GHITM: variants seen among roughly 807,000 people sequenced by gnomAD.
GHITM encodes the protein growth hormone-inducible transmembrane protein.
A neutral mutation model predicts 38.7 loss-of-function variants in GHITM; 24 were observed. The ratio of observed to expected loss-of-function variants is 0.62; its 90% confidence interval spans 0.45 to 0.87. The LOEUF is 0.87. Among genes scored for constraint, GHITM ranks in the 40% least tolerant of loss-of-function variants. The pLI, the probability that GHITM is intolerant of heterozygous loss-of-function variation, is 0.00. For missense variants in GHITM, 420 were observed against 429.8 expected (o/e 0.98, Z 0.20); for synonymous variants, 154 against 147.8 (o/e 1.04, Z -0.30).
chr10:84,150,159 G>A lies in GHITM; in HGVS notation c.697G>A (p.Ala233Thr). The A allele has an allele frequency of 1.2e-6, 2 of 1,614,034 alleles. No individual in the cohort carries two copies. The highest frequency in any genetic ancestry group is 1.7e-6 in the Non-Finnish European group (2 of 1,179,988). ...CATTGTGGGAGGCCTCTCCACTGTG[G>A]CCATGTGTGCGCCCAGTGAAAAGTT... is the stretch of plus-strand genomic sequence containing the variant. Reference protein sequence around the residue: ...AGIVGGLSTVAMCAPSEKFLN... With the variant: ...AGIVGGLSTVTMCAPSEKFLN... Residue 233 changes from alanine to threonine, a missense_variant, in exon 7 of 9, where the codon GCC becomes ACC. Coordinates refer to ENST00000372134, the MANE Select transcript of GHITM (RefSeq NM_014394.3).
chr10:84,142,906 C>G (rs974501640), intron 3 of GHITM, 152 bp downstream of exon 3: 2 of 498,758 alleles, frequency 4.0e-6, no homozygotes, highest in Non-Finnish European at 7.2e-6. Context: ...AAGATTGGTA[C>G]TTTGCACTGG....
chr10:84,151,868 G>A (rs1264490168), intron 8 of GHITM, among the ~76,000 whole-genome samples: 1 of 152,102 alleles, frequency 6.6e-6, no homozygotes, highest in Non-Finnish European at 1.5e-5. Flanking sequence ...CAGATTTGTA[G>A]AAGTTTTCTT....
intron 5 of GHITM, among the ~76,000 whole-genome samples, chr10:84,145,255 T>A (rs1027793004): frequency 1.3e-5 from 2 of 152,182 alleles, no homozygotes; most frequent in Admixed American, 6.5e-5. Context: ...ACATGTTGGG[T>A]TTTTGAATTA....
At chr10:84,148,633 T>C in intron 5 of GHITM, 97 bp from the exon 6 acceptor site, 1 of 736,234 alleles carries the variant, frequency 1.4e-6, no homozygotes, top group Admixed American at 2.2e-5. Flanking sequence ...TTTTTACAAC[T>C]AGTTTATTAG....
At chr10:84,147,450 G>A (rs942557771) in intron 5 of GHITM, among the ~76,000 whole-genome samples, 2 of 152,018 alleles carry the variant, frequency 1.3e-5, no homozygotes, top group African/African-American at 2.4e-5. Flanking sequence ...CCAGCTATTT[G>A]GTTTACCTGT....
At chr10:84,145,083 G>A in intron 5 of GHITM, 67 bp downstream of exon 5, 1 of 1,264,104 alleles carries the variant, frequency 7.9e-7, no homozygotes, top group South Asian at 1.5e-5. Context: ...ATATATTGGA[G>A]GGAAGGGTTA....
rs1014357608 is a variant in GHITM, at chr10:84,141,529, G to A, written c.29G>A (p.Arg10Gln). The A allele has an allele frequency of 9.3e-6, 15 of 1,613,350 alleles. No homozygotes were observed. Among genetic ancestry groups the A allele is most frequent in the South Asian group, 4.4e-5 (4 of 91,066 alleles). The change falls in exon 2 of 9, where the codon CGG (arginine) becomes CAG (glutamine). Residue 10 changes from arginine to glutamine, a missense_variant. Transcript: ENST00000372134. ...TTGGCTGCAAGGCTGGTGTGTCTCC[G>A]GACACTACCTTCTAGGGTTTTCCAC... MLAARLVCL[R>Q]TLPSRVFHPA...
chr10:84,140,931 AT>A lies in GHITM; in HGVS notation c.-39-528del, dbSNP rs147091797. Among the ~76,000 whole-genome samples the A allele has an allele frequency of 8.3e-3, 1,258 of 152,284 alleles. 17 individuals are homozygous for A. The highest frequency in any genetic ancestry group is 0.029 in the African/African-American group (1,200 of 41,538). On this transcript the variant is annotated intron_variant, in intron 1 of 8. Transcript: ENST00000372134. The stretch of plus-strand genomic sequence containing the variant: ...ATATCTCATGTTGAAGGAAAGTAAT[AT>A]TTGGTATGATTAGCTGAAATTCATA...
intron 6 of GHITM, among the ~76,000 whole-genome samples, chr10:84,149,456 C>A (rs573947875): frequency 6.6e-6 from 1 of 152,154 alleles, no homozygotes; most frequent in East Asian, 1.9e-4. Context: ...GTAACTTATT[C>A]TTCTTAGCAC....
intron 8 of GHITM, 76 bp from the exon 9 acceptor site, chr10:84,152,187 TC>T (rs1351739171): frequency 4.4e-6 from 3 of 676,712 alleles, no homozygotes; most frequent in Middle Eastern, 2.6e-4. Context: ...ATAGTATTTT[TC>T]TTCTTTTCTA....
At chr10:84,141,032 A>T (rs1399027550) in intron 1 of GHITM, among the ~76,000 whole-genome samples, 1 of 152,178 alleles carries the variant, frequency 6.6e-6, no homozygotes, top group Non-Finnish European at 1.5e-5. Context: ...TCTTCTTTGG[A>T]TGACACTATT....
chr10:84,140,402 G>A lies in GHITM; in HGVS notation c.-40+809G>A, dbSNP rs753582147. 3.9e-5 allele frequency: 6 copies of A among 152,202 alleles called. No individual in the cohort carries two copies. In the East Asian group the frequency reaches 1.2e-3, roughly 29 times the overall value. The allele number at this position is 152,202 out of a possible 1,614,324, so 9.4% of individuals were successfully genotyped here. ...AGTGTTCGTTAAAACACACGTTCTTGGTCTTATTCCTAGGGGTAGAATCAT... is the reference window on the plus strand; with the variant it reads ...AGTGTTCGTTAAAACACACGTTCTTAGTCTTATTCCTAGGGGTAGAATCAT... On this transcript the variant is annotated intron_variant, in intron 1 of 8. Transcript: ENST00000372134.
intron 2 of GHITM, among the ~76,000 whole-genome samples, chr10:84,142,412 A>AAGAATAAT (rs1841515822): frequency 1.3e-5 from 2 of 152,264 alleles, no homozygotes. Flanking sequence ...AATTGAAACT[A>AAGAATAAT]AGAATAATAT....
chr10:84,140,880 A>C (rs1339837802), intron 1 of GHITM, among the ~76,000 whole-genome samples: 1 of 152,234 alleles, frequency 6.6e-6, no homozygotes, highest in Non-Finnish European at 1.5e-5. Context: ...TAGGACATAT[A>C]GAATAGGTTA....
Position 84,141,542 on chromosome 10 carries a change from T to G in GHITM, c.42T>G (p.Ser14=). Residue 14 remains serine (S), a synonymous_variant, in exon 2 of 9, where the codon TCT becomes TCG. Transcript: ENST00000372134. The stretch of plus-strand genomic sequence containing the variant: ...TGGTGTGTCTCCGGACACTACCTTC[T>G]AGGGTTTTCCACCCAGCTTTCACCA... ...ARLVCLRTLP[S]RVFHPAFTKA... 6.2e-7 allele frequency: 1 copy of G among 1,613,706 alleles called. No homozygotes were observed. Among genetic ancestry groups the G allele is most frequent in the Non-Finnish European group, 8.5e-7 (1 of 1,179,570 alleles).
chr10:84,140,201 A>T (rs1841492533), intron 1 of GHITM: 1 of 152,210 alleles, frequency 6.6e-6, no homozygotes, highest in African/African-American at 2.4e-5. Flanking sequence ...CAGTGGACTG[A>T]GTACTGAGGA....
In GHITM at chr10:84,150,853, G is replaced by A. The variant is rs1239667464; in HGVS notation, c.926G>A (p.Gly309Glu). 6.2e-7 allele frequency: 1 copy of A among 1,609,396 alleles called. No individual in the cohort carries two copies. The change falls in exon 8 of 9, where the codon GGA (glycine) becomes GAA (glutamate). Residue 309 changes from glycine to glutamate, a missense_variant. Coordinates refer to ENST00000372134, the MANE Select transcript of GHITM (RefSeq NM_014394.3). ...CGTGCAGAAGTATCACCAATGTATG[G>A]AGTTCAAAAATATGATCCCATTAAC... ...IKRAEVSPMY[G>E]VQKYDPINSM...
intron 5 of GHITM, among the ~76,000 whole-genome samples, chr10:84,146,062 T>TA (rs543362307): frequency 7.2e-5 from 11 of 151,842 alleles, no homozygotes; most frequent in South Asian, 2.1e-4. Flanking sequence ...TTTTAAAAAT[T>TA]AAAAAAAAAT....
Position 84,141,454 on chromosome 10 carries a change from T to A in GHITM, c.-39-8T>A, listed in dbSNP as rs775674124. ...TTTTTGGTTGGTTTTGCCTTTTTTT[T>A]AAACTAGCATTTCAGATCTGCTCGG... On this transcript the variant is annotated splice_polypyrimidine_tract_variant and splice_region_variant and intron_variant, in intron 1 of 8. Coordinates refer to ENST00000372134, the MANE Select transcript of GHITM (RefSeq NM_014394.3). The A allele has an allele frequency of 1.2e-5, 19 of 1,590,360 alleles. No individual in the cohort carries two copies. In the African/African-American group the frequency reaches 1.5e-4, roughly 12 times the overall value.
Sources: gnomAD v4.1 joint callset for allele counts (sites outside exome capture counted in the v4.1 genomes callset) on GRCh38, gnomAD v4.1.1 for gene constraint, MANE v1.5 for transcripts, NCBI Gene and HGNC (gene_info 2026-07-23, HGNC 2026-07-21) for gene names.